CEP290: variants seen among roughly 807,000 people sequenced by gnomAD.
The protein encoded by CEP290 is centrosomal protein 290, also known as centrosomal protein of 290 kDa.
A neutral mutation model predicts 344.9 loss-of-function variants in CEP290; 317 were observed. That is an observed-to-expected ratio of 0.92 (90% CI 0.84 to 1.01). The LOEUF (loss-of-function observed/expected upper bound fraction) is 1.01. CEP290 is among the 50% of genes least tolerant of loss of function. The pLI, the probability that CEP290 is intolerant of heterozygous loss-of-function variation, is 0.00. For synonymous variants in CEP290, 932 were observed against 895.8 expected, an observed-to-expected ratio of 1.04 and a Z score of -0.72; for missense variants, 2,754 against 2,761.4, an observed-to-expected ratio of 1.00 and a Z score of 0.06.
At position 88,128,995 on chromosome 12, in the gene CEP290, T is replaced by G; in HGVS notation, c.893A>C (p.Glu298Ala). The G allele has an allele frequency of 6.5e-7, 1 of 1,539,718 alleles. No homozygotes were observed. ...LTDLLKSKNE[E>A]DDPIMVAVNA... ...GACAGCTACCATAATTGGATCATCT[T>G]CTTCATTTTTTGATTTCAGAAGATC... Residue 298 changes from glutamate (E) to alanine (A), a missense_variant, in exon 11 of 54, where the codon GAA becomes GCA. By Grantham distance (107) the Glu-to-Ala change is moderately radical. Coordinates refer to ENST00000552810, the MANE Select transcript of CEP290 (RefSeq NM_025114.4).
At chr12:88,136,555 C>A (rs2040363045) in intron 6 of CEP290, 88 bp downstream of exon 6, 2 of 1,286,608 alleles carry the variant, frequency 1.6e-6, no homozygotes, top group South Asian at 1.3e-5. Context: ...ATATAACATA[C>A]AATATAAAAA....
At chr12:88,135,417 C>T (rs2040302867) in intron 6 of CEP290, among the ~76,000 whole-genome samples, 2 of 152,076 alleles carry the variant, frequency 1.3e-5, no homozygotes, top group South Asian at 4.1e-4. Flanking sequence ...GTCCAGAAAA[C>T]CACAGACATC....
At chr12:88,055,517 G>A in intron 50 of CEP290, 59 bp downstream of exon 50, 14 of 1,423,578 alleles carry the variant, frequency 9.8e-6, no homozygotes, top group South Asian at 1.4e-5. Flanking sequence ...GACAATGCAA[G>A]GAACATCTTG....
intron 46 of CEP290, among the ~76,000 whole-genome samples, chr12:88,061,987 C>A (rs746281491): frequency 6.6e-6 from 1 of 152,142 alleles, no homozygotes. Context: ...CCATGTCGGC[C>A]AGGCTGGTCT....
In CEP290 at chr12:88,129,002, T is replaced by G; in HGVS notation, c.886A>C (p.Asn296His). ...ACCATAATTGGATCATCTTCTTCAT[T>G]TTTTGATTTCAGAAGATCTGTAAGC... ...QELTDLLKSK[N>H]EEDDPIMVAV... is the part of the protein sequence containing the mutation. Residue 296 changes from asparagine to histidine, a missense_variant, in exon 11 of 54, where the codon AAT (asparagine) becomes CAT (histidine). Physicochemically the swap from Asn to His is moderately conservative, Grantham distance 68. Transcript: ENST00000552810. 6.5e-7 allele frequency: 1 copy of G among 1,531,826 alleles called. No individual in the cohort carries two copies. The highest frequency in any genetic ancestry group is 8.7e-7 in the Non-Finnish European group (1 of 1,149,932). The allele number at this position is 1,531,826 out of a possible 1,614,324, so 94.9% of individuals were successfully genotyped here.
chr12:88,069,174 G>A (rs868253488), intron 43 of CEP290, among the ~76,000 whole-genome samples: 3 of 151,952 alleles, frequency 2.0e-5, no homozygotes, highest in Non-Finnish European at 4.4e-5. Flanking sequence ...CCTTTACTTA[G>A]GTAAATACAA....
chr12:88,087,486 C>T (rs938313939), intron 32 of CEP290, among the ~76,000 whole-genome samples: 4 of 151,588 alleles, frequency 2.6e-5, no homozygotes, highest in Admixed American at 6.6e-5. Context: ...TTTGGGAGGC[C>T]GAGGCGGGCG....
At chr12:88,057,334 A>T (rs1021242288) in intron 49 of CEP290, among the ~76,000 whole-genome samples, 3 of 152,202 alleles carry the variant, frequency 2.0e-5, no homozygotes, top group African/African-American at 7.2e-5. Flanking sequence ...TCCAACATAA[A>T]GCAGAGTCTG....
intron 32 of CEP290, among the ~76,000 whole-genome samples, chr12:88,086,771 T>C (rs1003065815): frequency 1.5e-5 from 2 of 129,080 alleles, no homozygotes; most frequent in African/African-American, 5.3e-5. Context: ...ATGACATATA[T>C]TATGTGCCAA....
Position 88,060,995 on chromosome 12 carries a change from C to G in CEP290, c.6358-1G>C. 6.5e-7 allele frequency: 1 copy of G among 1,539,274 alleles called. No homozygotes were observed. The highest frequency in any genetic ancestry group is 8.7e-7 in the Non-Finnish European group (1 of 1,143,704). On this transcript the variant is annotated splice_acceptor_variant, in intron 46 of 53. Transcript: ENST00000552810. LOFTEE classifies it high-confidence loss of function. The stretch of plus-strand genomic sequence containing the variant: ...GGATTGTCTTTCCACTTCTACCAGA[C>G]TACGAAAGAATATGTTAAATCTTTA...
intron 44 of CEP290, among the ~76,000 whole-genome samples, chr12:88,066,928 G>C (rs1233519033): frequency 1.3e-5 from 2 of 152,066 alleles, no homozygotes; most frequent in Non-Finnish European, 2.9e-5. Flanking sequence ...TCCTGCCTGA[G>C]CCTAACACAA....
At chr12:88,078,248 G>A (rs962668859) in intron 39 of CEP290, among the ~76,000 whole-genome samples, 1 of 151,916 alleles carries the variant, frequency 6.6e-6, no homozygotes, top group Non-Finnish European at 1.5e-5. Flanking sequence ...CAATATATAT[G>A]ACAACGTTTT....
In CEP290 at chr12:88,125,447, T is replaced by G. The variant is rs1163703087; in HGVS notation, c.1066-78A>C. On this transcript the variant is annotated intron_variant, in intron 12 of 53. Transcript: ENST00000552810. ...AGGTAAGGAAAAAAGTACGTCTGAT[T>G]TTTTTCAACAAGACTGTAGAACATA... The G allele has an allele frequency of 8.6e-6, 6 of 694,766 alleles. No individual in the cohort carries two copies. In the African/African-American group the frequency reaches 1.1e-4, roughly 13 times the overall value. 43.0% of individuals were successfully genotyped at this position (694,766 alleles called of 1,614,324 possible). A position where few individuals can be genotyped will look rare whatever the true frequency, so the allele number is the denominator to read the frequency against.
Position 88,055,668 on chromosome 12 carries a change from T to G in CEP290, c.6868A>C (p.Asn2290His). Residue 2290 changes from asparagine (N) to histidine (H), a missense_variant, in exon 50 of 54, where the codon AAT becomes CAT. Coordinates refer to ENST00000552810, the MANE Select transcript of CEP290 (RefSeq NM_025114.4). ...TGTTTAAGGTCAGTAATGCTTTGAT[T>G]TTTTTTGGCAATATCAGTTTCCAAT... is the stretch of plus-strand genomic sequence containing the variant. The part of the protein sequence containing the change: ...KELETDIAKK[N>H]QSITDLKQLV... 1.3e-6 allele frequency: 2 copies of G among 1,555,728 alleles called. No homozygotes were observed. The highest frequency in any genetic ancestry group is 1.7e-6 in the Non-Finnish European group (2 of 1,150,942).
chr12:88,058,977 A>C lies in CEP290; in HGVS notation c.6689T>G (p.Leu2230Ter). 1 of 1,612,892 alleles carries C rather than the reference A, an allele frequency of 6.2e-7. No individual in the cohort carries two copies. Among genetic ancestry groups the C allele is most frequent in the Admixed American group, 1.7e-5 (1 of 59,902 alleles). The change falls in exon 49 of 54, where the codon TTA becomes TGA. Residue 2230 changes from leucine to a stop codon, truncating the protein, a stop_gained. Transcript: ENST00000552810. LOFTEE classifies it high-confidence loss of function. Reference protein sequence around the residue: ...AEKLRIAKNNLEILNEKMTVQ... With the variant: ...AEKLRIAKNN ...TGTCATCTTCTCATTTAATATCTCT[A>C]AATTATTCTTTGCTATCCGTAATTT... is the stretch of plus-strand genomic sequence containing the variant.
chr12:88,141,398 C>G (rs1228429191), intron 1 of CEP290, 64 bp from the exon 2 acceptor site: 1 of 759,388 alleles, frequency 1.3e-6, no homozygotes, highest in Non-Finnish European at 2.0e-6. Context: ...TTTCTAGCAC[C>G]TTACATTTTT....
intron 27 of CEP290, among the ~76,000 whole-genome samples, chr12:88,095,381 C>G (rs546949328): frequency 1.3e-5 from 2 of 152,144 alleles, no homozygotes; most frequent in African/African-American, 4.8e-5. Flanking sequence ...AATAGGGAAA[C>G]ACTCTTAAAA....
At chr12:88,133,170 G>A (rs549463259) in intron 6 of CEP290, among the ~76,000 whole-genome samples, 8 of 151,444 alleles carry the variant, frequency 5.3e-5, no homozygotes, top group African/African-American at 1.9e-4. Context: ...CTGCCTTCTG[G>A]GTTCAAGTCA....
At chr12:88,076,673 A>G (rs751430888) in intron 41 of CEP290, among the ~76,000 whole-genome samples, 1 of 152,088 alleles carries the variant, frequency 6.6e-6, no homozygotes, top group Non-Finnish European at 1.5e-5. Context: ...GAACTATAAA[A>G]TTTTAAGCAA....
Sources: gnomAD v4.1 joint callset for allele counts (sites outside exome capture counted in the v4.1 genomes callset) on GRCh38, gnomAD v4.1.1 for gene constraint, MANE v1.5 for transcripts, NCBI Gene and HGNC (gene_info 2026-07-23, HGNC 2026-07-21) for gene names.